The following DMD variants were observed in gnomAD, a reference collection of about 807,000 sequenced individuals.
The protein encoded by DMD is dystrophin.
In DMD, 63 loss-of-function variants were observed where a neutral mutation model predicts 330.1. That is an observed-to-expected ratio of 0.19 (90% CI 0.16 to 0.24). DMD has a LOEUF of 0.24. Ranked by LOEUF, DMD falls within the 10% of genes least tolerant of loss-of-function variation. The pLI is 1.00. For synonymous variants in DMD, 1,223 were observed against 959.8 expected, an observed-to-expected ratio of 1.27 and a Z score of -5.07; for missense variants, 3,344 against 2,684.1, an observed-to-expected ratio of 1.25 and a Z score of -5.43.
intron 44 of DMD, among the ~76,000 whole-genome samples, chrX:32,053,320 A>G (rs2096132072): frequency 9.1e-6 from 1 of 109,577 alleles, no homozygotes; most frequent in Non-Finnish European, 1.9e-5. Flanking sequence ...GAATAGCTAC[A>G]AGGAAGTTAT....
chrX:32,950,104 T>A (rs1157379016), intron 2 of DMD, among the ~76,000 whole-genome samples: 1 of 110,701 alleles, frequency 9.0e-6, no homozygotes, highest in African/African-American at 3.3e-5. Flanking sequence ...ACTTGGGGGT[T>A]AGATTTCATT....
intron 2 of DMD, among the ~76,000 whole-genome samples, chrX:32,856,659 G>A (rs2081588552): frequency 1.8e-5 from 2 of 111,950 alleles, no homozygotes; most frequent in Admixed American, 1.9e-4. Flanking sequence ...TTACCAGAGT[G>A]TAGTATGGGT....
intron 11 of DMD, among the ~76,000 whole-genome samples, chrX:32,643,134 G>A (rs1042937002): frequency 9.9e-5 from 11 of 111,065 alleles, no homozygotes; most frequent in Non-Finnish European, 1.9e-4. Context: ...GATCACAGCA[G>A]GCGAATAATA....
At chrX:31,308,208 C>A (rs1236465898) in intron 62 of DMD, among the ~76,000 whole-genome samples, 1 of 112,091 alleles carries the variant, frequency 8.9e-6, no homozygotes, top group African/African-American at 3.2e-5. Context: ...ATTCACTGAA[C>A]AATGCTGGCT....
At chrX:32,804,663 C>T (rs751347478) in intron 7 of DMD, among the ~76,000 whole-genome samples, 4 of 112,513 alleles carry the variant, frequency 3.6e-5, no homozygotes, top group African/African-American at 9.7e-5. Context: ...CCCTGACCCC[C>T]GTGCCTCCTG....
chrX:31,228,020 C>T (rs1390101902), intron 63 of DMD, among the ~76,000 whole-genome samples: 3 of 104,677 alleles, frequency 2.9e-5, no homozygotes, highest in Non-Finnish European at 5.9e-5. Context: ...AAAAACCAAA[C>T]ACCGCATATT....
At chrX:31,455,960 G>A (rs1377838714) in intron 59 of DMD, among the ~76,000 whole-genome samples, 1 of 111,557 alleles carries the variant, frequency 9.0e-6, no homozygotes, top group Non-Finnish European at 1.9e-5. Flanking sequence ...GCATAGGACC[G>A]GGGATCTCTT....
rs970114900 is a variant in DMD, at chrX:31,250,793, C to T, written c.9286+10162G>A. On this transcript the variant is annotated intron_variant, in intron 63 of 78. Transcript: ENST00000357033. Reference sequence around the variant, plus strand: ...CTGTGATGTGTAGTATGTTAAAAACCACCACCGCGGCTGGGTGCAGTGGTT... The same window carrying T: ...CTGTGATGTGTAGTATGTTAAAAACTACCACCGCGGCTGGGTGCAGTGGTT... Among the ~76,000 whole-genome samples, 3 of 111,014 alleles carry T rather than the reference C, an allele frequency of 2.7e-5. No individual in the cohort carries two copies. The Admixed American group carries it at 2.9e-4, about 11-fold the overall frequency.
intron 7 of DMD, among the ~76,000 whole-genome samples, chrX:32,763,183 A>C (rs1390526923): frequency 1.8e-5 from 2 of 111,925 alleles, no homozygotes; most frequent in Non-Finnish European, 1.9e-5. Flanking sequence ...GACCATTTCT[A>C]TAATGATCAT....
chrX:32,152,584 A>G (rs981353132), intron 44 of DMD, among the ~76,000 whole-genome samples: 2 of 111,783 alleles, frequency 1.8e-5, no homozygotes, highest in African/African-American at 6.5e-5. Context: ...AAATAAAAGT[A>G]TGCCCTGCCC....
chrX:31,433,678 C>G (rs1359944840), intron 60 of DMD, among the ~76,000 whole-genome samples: 1 of 110,431 alleles, frequency 9.1e-6, no homozygotes, highest in African/African-American at 3.3e-5. Flanking sequence ...AGGCTGGTCT[C>G]GAACTCCTAA....
At position 32,459,746 on chromosome X, in the gene DMD, T is replaced by A. The variant is rs139155026; in HGVS notation, c.3432+3693A>T. Among the ~76,000 whole-genome samples, 1,081 of 111,143 alleles carry A rather than the reference T, an allele frequency of 9.7e-3. 14 individuals carry two copies. Among genetic ancestry groups the A allele is most frequent in the African/African-American group, 0.033 (1,027 of 30,675 alleles). The stretch of plus-strand genomic sequence containing the variant: ...TCTAGACTATCAACAAACACTCTCC[T>A]TCAGCAAGTACTGCCAGATCTAATG... On this transcript the variant is annotated intron_variant, in intron 25 of 78. Transcript: ENST00000357033.
intron 44 of DMD, among the ~76,000 whole-genome samples, chrX:32,204,131 T>C (rs1171614578): frequency 8.9e-6 from 1 of 111,775 alleles, no homozygotes; most frequent in Admixed American, 9.5e-5. Context: ...CAAGATTTAT[T>C]AGGCAGAGCA....
At chrX:32,706,865 C>T (rs58534742) in intron 7 of DMD, among the ~76,000 whole-genome samples, 5,741 of 110,722 alleles carry the variant, frequency 0.052, 329 homozygotes, top group African/African-American at 0.17. Context: ...CTGAGGTGGG[C>T]GGATCACCTG....
At chrX:32,794,344 C>CT (rs758280046) in intron 7 of DMD, among the ~76,000 whole-genome samples, 58 of 112,129 alleles carry the variant, frequency 5.2e-4, no homozygotes, top group Admixed American at 1.0e-3. Flanking sequence ...AATCCCAGCA[C>CT]TTTGGGAGGC....
chrX:32,010,540 T>A (rs6631456), intron 44 of DMD, among the ~76,000 whole-genome samples: 3 of 110,860 alleles, frequency 2.7e-5, no homozygotes, highest in Non-Finnish European at 5.7e-5. Context: ...TCTCTACAAC[T>A]TTTGCTGAAG....
intron 52 of DMD, among the ~76,000 whole-genome samples, chrX:31,716,621 AC>A (rs2085069966): frequency 9.0e-6 from 1 of 111,285 alleles, no homozygotes; most frequent in African/African-American, 3.3e-5. Flanking sequence ...TCTTTCTAAA[AC>A]GGGCTAAACA....
intron 63 of DMD, among the ~76,000 whole-genome samples, chrX:31,239,667 A>G (rs5972346): frequency 0.21 from 23,872 of 111,137 alleles, 1,940 homozygotes; most frequent in Middle Eastern, 0.28. Context: ...CTTGACAAAC[A>G]TCTGACTGGA....
At chrX:32,536,287 AAC>A (rs1569152584) in intron 17 of DMD, among the ~76,000 whole-genome samples, 37 of 106,027 alleles carry the variant, frequency 3.5e-4, no homozygotes, top group African/African-American at 1.2e-3. Flanking sequence ...AAAAAAAAAA[AAC>A]ACACAAATGG....
Sources: allele counts gnomAD v4.1 joint callset (sites outside exome capture counted in the v4.1 genomes callset), GRCh38; gene constraint gnomAD v4.1.1; transcripts MANE v1.5; gene names NCBI Gene and HGNC (gene_info 2026-07-23, HGNC 2026-07-21).